The following VTI1A variants were observed in gnomAD, a reference collection of about 807,000 sequenced individuals.
The protein encoded by VTI1A is vesicle transport through interaction with t-SNAREs 1A.
A neutral mutation model predicts 34.9 loss-of-function variants in VTI1A; 22 were observed. That is an observed-to-expected ratio of 0.63 (90% confidence interval 0.45 to 0.90). VTI1A has a LOEUF of 0.90. Ranked by LOEUF, VTI1A falls within the 40% of genes least tolerant of loss-of-function variation. The pLI is 0.00. For synonymous variants in VTI1A, 87 were observed against 97.3 expected, an observed-to-expected ratio of 0.89 and a Z score of 0.62; for missense variants, 268 against 275.6, an observed-to-expected ratio of 0.97 and a Z score of 0.20.
At chr10:112,815,139 G>GCGCGCA (rs879013051) in intron 7 of VTI1A, 151 bp from the exon 8 acceptor site, 14 of 180,860 alleles carry the variant, frequency 7.7e-5, no homozygotes, top group South Asian at 7.2e-4. Flanking sequence ...TTTCGCGCGC[G>GCGCGCA]CACACACACA....
intron 5 of VTI1A, among the ~76,000 whole-genome samples, chr10:112,656,115 A>G (rs898693338): frequency 6.6e-6 from 1 of 152,184 alleles, no homozygotes; most frequent in Non-Finnish European, 1.5e-5. Flanking sequence ...TCCCGGTGCC[A>G]TAGGTCCAGG....
chr10:112,626,307 T>G (rs1051352155), intron 5 of VTI1A, among the ~76,000 whole-genome samples: 3 of 152,190 alleles, frequency 2.0e-5, no homozygotes, highest in Non-Finnish European at 4.4e-5. Flanking sequence ...CTTCTTCATG[T>G]GGCTATATCT....
Position 112,464,614 on chromosome 10 carries a change from T to C in VTI1A, c.221T>C (p.Met74Thr). The C allele has an allele frequency of 6.2e-7, 1 of 1,612,844 alleles. No homozygotes were observed. Residue 74 changes from methionine to threonine, a missense_variant, in exon 3 of 8, where the codon ATG (methionine) becomes ACG (threonine). Coordinates refer to ENST00000393077, the MANE Select transcript of VTI1A (RefSeq NM_145206.4). ...AGTCGAGGGATGTACAGCAACAGAA[T>C]GAGAAGCTACAAACAAGAAATGGGA... is the stretch of plus-strand genomic sequence containing the variant. ...PQSRGMYSNRMRSYKQEMGKL... is the reference protein window; with the variant it reads ...PQSRGMYSNRTRSYKQEMGKL...
intron 5 of VTI1A, among the ~76,000 whole-genome samples, chr10:112,647,170 A>C (rs1168981731): frequency 6.6e-6 from 1 of 152,174 alleles, no homozygotes; most frequent in East Asian, 1.9e-4. Context: ...CTTTTTCTTT[A>C]CTTCCATGGG....
chr10:112,744,044 T>A (rs890835780), intron 7 of VTI1A, among the ~76,000 whole-genome samples: 1 of 152,196 alleles, frequency 6.6e-6, no homozygotes, highest in Non-Finnish European at 1.5e-5. Flanking sequence ...TTTTTCTTTG[T>A]CGGTTTGTGT....
At chr10:112,820,081 G>A (rs1048292043), downstream of VTI1A, among the ~76,000 whole-genome samples, 2 of 152,170 alleles carry the variant, frequency 1.3e-5, no homozygotes, top group African/African-American at 2.4e-5. Flanking sequence ...TGGCAGGCAC[G>A]AGCCAGGTGG....
chr10:112,632,885 A>G (rs1846188777), intron 5 of VTI1A, among the ~76,000 whole-genome samples: 1 of 152,236 alleles, frequency 6.6e-6, no homozygotes, highest in African/African-American at 2.4e-5. Context: ...ACTTAGTTGT[A>G]TCTATTAGTA....
At chr10:112,636,557 C>G (rs1846357597) in intron 5 of VTI1A, among the ~76,000 whole-genome samples, 1 of 151,790 alleles carries the variant, frequency 6.6e-6, no homozygotes, top group African/African-American at 2.4e-5. Context: ...AACCCCGTCT[C>G]TACTAAAAAA....
chr10:112,697,149 G>C (rs1162367530), intron 7 of VTI1A, among the ~76,000 whole-genome samples: 1 of 151,648 alleles, frequency 6.6e-6, no homozygotes, highest in Non-Finnish European at 1.5e-5. Flanking sequence ...TGTGTGAGAA[G>C]TGGAATTGAA....
At chr10:112,813,630 A>C (rs553659702) in intron 7 of VTI1A, among the ~76,000 whole-genome samples, 2 of 152,226 alleles carry the variant, frequency 1.3e-5, no homozygotes, top group Non-Finnish European at 2.9e-5. Flanking sequence ...ATCAGTGTTG[A>C]TAATTAGCCT....
chr10:112,601,396 C>T (rs1028594105), intron 5 of VTI1A, among the ~76,000 whole-genome samples: 1 of 150,156 alleles, frequency 6.7e-6, no homozygotes, highest in Non-Finnish European at 1.5e-5. Flanking sequence ...AGAAGGTTCT[C>T]GGCTAAAATT....
chr10:112,824,233 G>T, the VTI1A span: 1 of 152,256 alleles, frequency 6.6e-6, no homozygotes, highest in Non-Finnish European at 1.5e-5. Context: ...CACACTCTTG[G>T]TGCTAAAGTT....
chr10:112,731,955 T>A (rs1479162565), intron 7 of VTI1A, among the ~76,000 whole-genome samples: 7 of 152,174 alleles, frequency 4.6e-5, no homozygotes, highest in Non-Finnish European at 1.0e-4. Flanking sequence ...AATTCTTTAC[T>A]TAAGCACCTT....
chr10:112,722,116 G>A (rs1293868568), intron 7 of VTI1A, among the ~76,000 whole-genome samples: 1 of 152,128 alleles, frequency 6.6e-6, no homozygotes, highest in Non-Finnish European at 1.5e-5. Context: ...AGGGTACAGG[G>A]TTTTCTCTTT....
intron 5 of VTI1A, among the ~76,000 whole-genome samples, chr10:112,598,336 T>C (rs942011603): frequency 5.1e-4 from 77 of 152,236 alleles, no homozygotes; most frequent in African/African-American, 1.8e-3. Flanking sequence ...AAAGACCTCT[T>C]CCTTTCCTTC....
chr10:112,456,326 G>A (rs1342756574), intron 1 of VTI1A, among the ~76,000 whole-genome samples: 1 of 150,210 alleles, frequency 6.7e-6, no homozygotes, highest in Non-Finnish European at 1.5e-5. Flanking sequence ...GGAGGCTGCA[G>A]CAGGAGAACC....
intron 2 of VTI1A, among the ~76,000 whole-genome samples, chr10:112,461,908 G>T (rs1847740661): frequency 6.6e-6 from 1 of 152,204 alleles, no homozygotes; most frequent in African/African-American, 2.4e-5. Flanking sequence ...TAGAGAGGGG[G>T]TTTTGTCATG....
At position 112,616,524 on chromosome 10, in the gene VTI1A, G is replaced by A. The variant is rs540395105; in HGVS notation, c.428-51694G>A. 9.9e-5 allele frequency among the ~76,000 whole-genome samples: 15 copies of A among 151,862 alleles called. No homozygotes were observed. In the South Asian group the frequency reaches 2.3e-3, roughly 23 times the overall value. On this transcript the variant is annotated intron_variant, in intron 5 of 7. Coordinates refer to ENST00000393077, the MANE Select transcript of VTI1A (RefSeq NM_145206.4). The stretch of plus-strand genomic sequence containing the variant: ...ATACATTCAGTTCAACAAAATATGA[G>A]CTTATTAAAAAGATTTACCAAACAT...
chr10:112,717,965 A>G (rs1004777208), intron 7 of VTI1A, among the ~76,000 whole-genome samples: 1 of 152,042 alleles, frequency 6.6e-6, no homozygotes, highest in Non-Finnish European at 1.5e-5. Flanking sequence ...GTCGCCCACA[A>G]CCTTCCTTGC....
Sources: allele counts gnomAD v4.1 joint callset (sites outside exome capture counted in the v4.1 genomes callset), GRCh38; gene constraint gnomAD v4.1.1; transcripts MANE v1.5; gene names NCBI Gene and HGNC (gene_info 2026-07-23, HGNC 2026-07-21).